UBE2QL1: variants seen among roughly 807,000 people sequenced by gnomAD.
UBE2QL1 encodes ubiquitin-conjugating enzyme E2Q-like protein 1.
In UBE2QL1, 5 loss-of-function variants were observed where a neutral mutation model predicts 12.6. That is an observed-to-expected ratio of 0.40 (90% CI 0.21 to 0.83). The LOEUF is 0.83. UBE2QL1 is among the 40% of genes least tolerant of loss of function. UBE2QL1 has a pLI of 0.37. For missense variants in UBE2QL1, 99 were observed against 222.6 expected, an observed-to-expected ratio of 0.44 and a Z score of 3.53; for synonymous variants, 96 against 94.5, an observed-to-expected ratio of 1.02 and a Z score of -0.10.
chr5:6,475,338 C>G (rs915782777), intron 1 of UBE2QL1, among the ~76,000 whole-genome samples: 1 of 152,194 alleles, frequency 6.6e-6, no homozygotes, highest in African/African-American at 2.4e-5. Context: ...AATCAACTTC[C>G]TCTCTTGATT....
chr5:6,475,519 C>G (rs545660905), intron 1 of UBE2QL1, among the ~76,000 whole-genome samples: 5 of 152,286 alleles, frequency 3.3e-5, no homozygotes, highest in African/African-American at 1.2e-4. Context: ...TAACACCAGC[C>G]AGTCTGGAAA....
chr5:6,494,439 A>G lies in UBE2QL1; in HGVS notation c.*3090A>G, dbSNP rs1316279541. Reference sequence around the variant, plus strand: ...AAAATTTGACCTTTTTTTAAGAGAAAAATATGTAGATGAGTGAAAAAGACC... The same window carrying G: ...AAAATTTGACCTTTTTTTAAGAGAAGAATATGTAGATGAGTGAAAAAGACC... On this transcript the variant is annotated 3_prime_UTR_variant, in exon 2 of 2. Transcript: ENST00000399816. 1 of 152,118 alleles carries G rather than the reference A, an allele frequency of 6.6e-6. No individual in the cohort carries two copies. The highest frequency in any genetic ancestry group is 1.5e-5 in the Non-Finnish European group (1 of 68,028). 9.4% of individuals were successfully genotyped at this position (152,118 alleles called of 1,614,324 possible).
chr5:6,453,326 G>T (rs774785261), intron 1 of UBE2QL1, among the ~76,000 whole-genome samples: 1 of 152,152 alleles, frequency 6.6e-6, no homozygotes, highest in African/African-American at 2.4e-5. Flanking sequence ...AATGGCAGTC[G>T]GGCCAGGTGC....
At position 6,449,247 on chromosome 5, in the gene UBE2QL1, G is replaced by A. The variant is rs1262396121; in HGVS notation, c.354G>A (p.Gln118=). ...TCGCAGCCAGCCTGGTCAAGGGCCAGGTAAGGCGAGCGCGCCGGGGCTGGG... is the reference window on the plus strand; with the variant it reads ...TCGCAGCCAGCCTGGTCAAGGGCCAAGTAAGGCGAGCGCGCCGGGGCTGGG... ...RQFAASLVKG[Q]GRICRKAGKS... is the part of the protein sequence containing the mutation. Residue 118 remains glutamine, a splice_region_variant and synonymous_variant, in exon 1 of 2, where the codon CAG becomes CAA. Coordinates refer to ENST00000399816, the MANE Select transcript of UBE2QL1 (RefSeq NM_001145161.3). 7 of 1,399,792 alleles carry A rather than the reference G, an allele frequency of 5.0e-6. No homozygotes were observed. In the East Asian group the frequency reaches 1.8e-4, roughly 36 times the overall value. The allele number at this position is 1,399,792 out of a possible 1,614,324, so 86.7% of individuals were successfully genotyped here. A position where few individuals can be genotyped will look rare whatever the true frequency, so the allele number is the denominator to read the frequency against.
chr5:6,480,500 C>A (rs557461785), intron 1 of UBE2QL1, among the ~76,000 whole-genome samples: 3 of 152,352 alleles, frequency 2.0e-5, no homozygotes, highest in African/African-American at 7.2e-5. Context: ...TGGGATCCGG[C>A]TGCCTATGCA....
chr5:6,489,424 TAA>T (rs755544915), intron 1 of UBE2QL1, among the ~76,000 whole-genome samples: 8 of 108,428 alleles, frequency 7.4e-5, no homozygotes, highest in Admixed American at 9.1e-5. Flanking sequence ...ATCCTGTCTG[TAA>T]AAAAAAAAAA....
intron 1 of UBE2QL1, among the ~76,000 whole-genome samples, chr5:6,489,970 T>C (rs1282769672): frequency 6.6e-6 from 1 of 152,192 alleles, no homozygotes; most frequent in Non-Finnish European, 1.5e-5. Flanking sequence ...GAAATTCTGT[T>C]CGCGAAGGTT....
At chr5:6,466,244 C>T (rs1257769257) in intron 1 of UBE2QL1, among the ~76,000 whole-genome samples, 1 of 152,256 alleles carries the variant, frequency 6.6e-6, no homozygotes, top group Non-Finnish European at 1.5e-5. Flanking sequence ...TCCTTGTCAG[C>T]ACCAGGCAGC....
intron 1 of UBE2QL1, among the ~76,000 whole-genome samples, chr5:6,482,356 T>A (rs965517514): frequency 6.6e-6 from 1 of 152,090 alleles, no homozygotes; most frequent in African/African-American, 2.4e-5. Context: ...CTCCCATCCC[T>A]GCCTCGCCCA....
At position 6,478,810 on chromosome 5, in the gene UBE2QL1, C is replaced by T. The variant is rs1171740508; in HGVS notation, c.355-12408C>T. ...GGCTGCAGGTGGATGATCTCCTGCGCACGTGGGAGAGTGATCCTAGGACGT... is the reference window on the plus strand; with the variant it reads ...GGCTGCAGGTGGATGATCTCCTGCGTACGTGGGAGAGTGATCCTAGGACGT... On this transcript the variant is annotated intron_variant, in intron 1 of 1. Transcript: ENST00000399816. The surrounding 1 kb of genome is among the most constrained non-coding windows in gnomAD (Gnocchi z 4.5). Among the ~76,000 whole-genome samples, 1 of 152,130 alleles carries T rather than the reference C, an allele frequency of 6.6e-6. No homozygotes were observed. Among genetic ancestry groups the T allele is most frequent in the Non-Finnish European group, 1.5e-5 (1 of 68,014 alleles).
Position 6,493,724 on chromosome 5 carries a change from T to G in UBE2QL1, c.*2375T>G, listed in dbSNP as rs1734619995. On this transcript the variant is annotated 3_prime_UTR_variant, in exon 2 of 2. Coordinates refer to ENST00000399816, the MANE Select transcript of UBE2QL1 (RefSeq NM_001145161.3). Reference sequence around the variant, plus strand: ...ATTTTAAAAGCAGTAGGAAGTGATGTAAAACTCTACCATTGCTTGGACTGT... The same window carrying G: ...ATTTTAAAAGCAGTAGGAAGTGATGGAAAACTCTACCATTGCTTGGACTGT... 7.6e-6 allele frequency: 1 copy of G among 131,536 alleles called. No individual in the cohort carries two copies. Among genetic ancestry groups the G allele is most frequent in the South Asian group, 2.1e-4 (1 of 4,734 alleles). 8.1% of individuals were successfully genotyped at this position (131,536 alleles called of 1,614,324 possible).
intron 1 of UBE2QL1, among the ~76,000 whole-genome samples, chr5:6,486,851 G>A (rs10076247): frequency 0.12 from 18,873 of 152,160 alleles, 1,711 homozygotes; most frequent in African/African-American, 0.26. Context: ...GGTGCCACTA[G>A]CATCTAGTGG....
chr5:6,494,897 T>C lies in UBE2QL1; in HGVS notation c.*3548T>C, dbSNP rs925798003. On this transcript the variant is annotated 3_prime_UTR_variant, in exon 2 of 2. Transcript: ENST00000399816. ...GAAGATTAAGGTACAGCCCCTTCCC[T>C]GGATAGGAACTCAAAAGATAGGAAT... 6.6e-6 allele frequency: 1 copy of C among 152,186 alleles called. No individual in the cohort carries two copies. The highest frequency in any genetic ancestry group is 1.5e-5 in the Non-Finnish European group (1 of 68,048). 9.4% of individuals were successfully genotyped at this position (152,186 alleles called of 1,614,324 possible). A position where few individuals can be genotyped will look rare whatever the true frequency, so the allele number is the denominator to read the frequency against.
At position 6,459,387 on chromosome 5, in the gene UBE2QL1, G is replaced by C. The variant is rs559874983; in HGVS notation, c.354+10140G>C. ...TATCCTGGCATCTGCCTTTTCATAA[G>C]AGAGATAGAGGGCTCTTGGTTATTC... On this transcript the variant is annotated intron_variant, in intron 1 of 1. Coordinates refer to ENST00000399816, the MANE Select transcript of UBE2QL1 (RefSeq NM_001145161.3). Among the ~76,000 whole-genome samples, 3 of 152,276 alleles carry C rather than the reference G, an allele frequency of 2.0e-5. No individual in the cohort carries two copies. In the South Asian group the frequency reaches 6.2e-4, roughly 32 times the overall value.
In UBE2QL1 at chr5:6,479,739, GC is replaced by G; in HGVS notation, c.355-11478del. 6.6e-6 allele frequency among the ~76,000 whole-genome samples: 1 copy of G among 152,314 alleles called. No homozygotes were observed. The highest frequency in any genetic ancestry group is 1.5e-5 in the Non-Finnish European group (1 of 68,034). ...TCCTGGGTGCGGCCCAAGAAAAGCAGCTTCCTTTTGCATTCTGGTCCTGGCC... is the reference window on the plus strand; with the variant it reads ...TCCTGGGTGCGGCCCAAGAAAAGCAGTTCCTTTTGCATTCTGGTCCTGGCC... On this transcript the variant is annotated intron_variant, in intron 1 of 1. Transcript: ENST00000399816. This position sits in a 1 kb window ranked among gnomAD's most constrained non-coding sequence, Gnocchi z 4.2.
At chr5:6,465,889 C>A (rs1246228245) in intron 1 of UBE2QL1, among the ~76,000 whole-genome samples, 1 of 152,208 alleles carries the variant, frequency 6.6e-6, no homozygotes, top group African/African-American at 2.4e-5. Flanking sequence ...TTGCTTTTTA[C>A]CCCGCGCAAA....
intron 1 of UBE2QL1, among the ~76,000 whole-genome samples, chr5:6,450,682 G>A (rs1439220037): frequency 6.6e-6 from 1 of 152,088 alleles, no homozygotes; most frequent in Non-Finnish European, 1.5e-5. Context: ...TGGAACCCCT[G>A]GGATTCCAAA....
intron 1 of UBE2QL1, among the ~76,000 whole-genome samples, chr5:6,449,868 A>ACCCCCCC (rs5865654): frequency 3.4e-5 from 4 of 117,180 alleles, no homozygotes; most frequent in Non-Finnish European, 5.3e-5. Context: ...CACCTCCCCA[A>ACCCCCCC]CCCCCCCCAC....
intron 1 of UBE2QL1, among the ~76,000 whole-genome samples, chr5:6,482,894 T>A (rs1365369145): frequency 6.6e-6 from 1 of 152,120 alleles, no homozygotes; most frequent in African/African-American, 2.4e-5. Flanking sequence ...GCAGAGGCAC[T>A]CTCATCTAGA....
Sources: allele counts gnomAD v4.1 joint callset (sites outside exome capture counted in the v4.1 genomes callset), GRCh38; gene constraint gnomAD v4.1.1; non-coding constraint Gnocchi (gnomAD v3.1); transcripts MANE v1.5; gene names NCBI Gene and HGNC (gene_info 2026-07-23, HGNC 2026-07-21).